ZFHX4: variants seen among roughly 807,000 people sequenced by gnomAD.
ZFHX4 encodes zinc finger homeobox protein 4.
Under a neutral mutation model 267.6 loss-of-function variants are expected in ZFHX4, and 56 were observed. The ratio of observed to expected loss-of-function variants is 0.21; its 90% CI spans 0.17 to 0.26. The LOEUF (loss-of-function observed/expected upper bound fraction) is 0.26. Among genes scored for constraint, ZFHX4 ranks in the 10% least tolerant of loss-of-function variants. The pLI, the probability that ZFHX4 is intolerant of heterozygous loss-of-function variation, is 1.00. For synonymous variants in ZFHX4, 1,778 were observed against 1,665.6 expected, an observed-to-expected ratio of 1.07 and a Z score of -1.64; for missense variants, 4,332 against 4,420.0, an observed-to-expected ratio of 0.98 and a Z score of 0.56.
intron 3 of ZFHX4, among the ~76,000 whole-genome samples, chr8:76,741,850 C>T (rs763190164): frequency 6.6e-6 from 1 of 152,172 alleles, no homozygotes; most frequent in Non-Finnish European, 1.5e-5. Context: ...CCTCCTGTTT[C>T]AGAGATGACC....
intron 1 of ZFHX4, 132 bp from the exon 2 acceptor site, chr8:76,703,911 G>T: frequency 1.5e-6 from 1 of 651,630 alleles, no homozygotes. Context: ...AGATAGGCAC[G>T]CCGGTTTTAA....
intron 4 of ZFHX4, among the ~76,000 whole-genome samples, chr8:76,796,204 A>G (rs1196697613): frequency 6.6e-6 from 1 of 152,006 alleles, no homozygotes; most frequent in Non-Finnish European, 1.5e-5. Flanking sequence ...TTTTGAAAAT[A>G]GAAATTTATA....
At chr8:76,861,197 T>A (rs1418847913) in intron 10 of ZFHX4, among the ~76,000 whole-genome samples, 1 of 151,664 alleles carries the variant, frequency 6.6e-6, no homozygotes, top group East Asian at 2.0e-4. Context: ...TTGCTGTCAG[T>A]TTTTTTCTGG....
intron 3 of ZFHX4, among the ~76,000 whole-genome samples, chr8:76,716,812 A>AT (rs1808587847): frequency 6.6e-6 from 1 of 152,154 alleles, no homozygotes; most frequent in Admixed American, 6.5e-5. Context: ...GATGACAGAG[A>AT]TTTTTAAAAG....
At chr8:76,824,498 A>C (rs1254628393) in intron 4 of ZFHX4, among the ~76,000 whole-genome samples, 1 of 152,194 alleles carries the variant, frequency 6.6e-6, no homozygotes, top group African/African-American at 2.4e-5. Flanking sequence ...CAAGGAAAAA[A>C]ACCTACCTAG....
chr8:76,852,940 C>A lies in ZFHX4; in HGVS notation c.6019C>A (p.Pro2007Thr). The A allele has an allele frequency of 7.6e-6, 12 of 1,579,734 alleles. No individual in the cohort carries two copies. Among genetic ancestry groups the A allele is most frequent in the Non-Finnish European group, 1.0e-5 (12 of 1,161,802 alleles). Residue 2007 changes from proline to threonine, a missense_variant, in exon 10 of 11, where the codon CCT becomes ACT. Pro to Thr is a conservative substitution (Grantham distance 38). Transcript: ENST00000651372. The stretch of plus-strand genomic sequence containing the variant: ...TTCTCCAGAAACGCCGCCCCCGCCA[C>A]CTCCTCCTCCTCCCTTGCCTCCGGC... ...PSSPETPPPP[P>T]PPPPLPPAPP...
chr8:76,779,544 C>T (rs1810493943), intron 4 of ZFHX4, among the ~76,000 whole-genome samples: 1 of 152,116 alleles, frequency 6.6e-6, no homozygotes, highest in Admixed American at 6.6e-5. Context: ...TACATAGCAA[C>T]TCTATTGAAT....
At chr8:76,811,255 A>G (rs551691943) in intron 4 of ZFHX4, among the ~76,000 whole-genome samples, 2 of 152,280 alleles carry the variant, frequency 1.3e-5, no homozygotes, top group East Asian at 1.9e-4. Flanking sequence ...CCCTGCTGGT[A>G]TTTTTACACA....
intron 4 of ZFHX4, among the ~76,000 whole-genome samples, chr8:76,824,149 A>G (rs1233997569): frequency 6.6e-6 from 1 of 152,176 alleles, no homozygotes; most frequent in African/African-American, 2.4e-5. Context: ...TGAGCTTCTT[A>G]TTTTATGCAT....
intron 3 of ZFHX4, among the ~76,000 whole-genome samples, chr8:76,717,811 G>A (rs1430369411): frequency 6.6e-6 from 1 of 151,970 alleles, no homozygotes; most frequent in Non-Finnish European, 1.5e-5. Context: ...TGCCCAGGCA[G>A]GTCTCGAACT....
chr8:76,725,227 A>G (rs763892218), intron 3 of ZFHX4, among the ~76,000 whole-genome samples: 6 of 152,112 alleles, frequency 3.9e-5, no homozygotes, highest in Non-Finnish European at 7.4e-5. Context: ...ATGGTACACA[A>G]TCTTATGATC....
chr8:76,799,913 G>A lies in ZFHX4; in HGVS notation c.3325+21474G>A, dbSNP rs375008044. ...CTTTCACTTGATCACTGCAAAAAAC[G>A]AAATTCCGAGTTTGGTGTGTTGCTT... On this transcript the variant is annotated intron_variant, in intron 4 of 10. Coordinates refer to ENST00000651372, the MANE Select transcript of ZFHX4 (RefSeq NM_024721.5). Among the ~76,000 whole-genome samples, 57 of 152,238 alleles carry A rather than the reference G, an allele frequency of 3.7e-4. 5 individuals carry two copies. The highest frequency in any genetic ancestry group is 2.4e-3 in the Admixed American group (36 of 15,292).
chr8:76,778,559 T>C (rs1462185217), intron 4 of ZFHX4, 120 bp downstream of exon 4: 7 of 807,390 alleles, frequency 8.7e-6, no homozygotes, highest in Non-Finnish European at 1.0e-5. Context: ...TGTCCCCCAG[T>C]GTAAAACACG....
At position 76,852,210 on chromosome 8, in the gene ZFHX4, G is replaced by A. The variant is rs1381625878; in HGVS notation, c.5289G>A (p.Gly1763=). The A allele has an allele frequency of 1.2e-6, 2 of 1,613,534 alleles. No individual in the cohort carries two copies. The highest frequency in any genetic ancestry group is 2.7e-5 in the African/African-American group (2 of 74,900). ...DLGLPGSATF[G]MPGMTGMAGS... is the part of the protein sequence containing the mutation. ...GCTTGCCAGGCTCTGCCACATTTGG[G>A]ATGCCTGGCATGACAGGAATGGCTG... Residue 1763 remains glycine, a synonymous_variant, in exon 10 of 11, where the codon GGG becomes GGA. Coordinates refer to ENST00000651372, the MANE Select transcript of ZFHX4 (RefSeq NM_024721.5).
intron 3 of ZFHX4, 25 bp from the exon 4 acceptor site, chr8:76,778,183 C>G (rs764514939): frequency 1.3e-6 from 2 of 1,501,312 alleles, no homozygotes; most frequent in Non-Finnish European, 1.9e-6. Context: ...GACCATTGTT[C>G]TAATGAGCCT....
chr8:76,706,783 C>A (rs145081415), intron 2 of ZFHX4, 105 bp downstream of exon 2: 7 of 1,259,984 alleles, frequency 5.6e-6, no homozygotes, highest in Middle Eastern at 2.8e-4. Flanking sequence ...TTGAGGACAG[C>A]TTACTAGAAA....
chr8:76,837,124 G>A (rs1563550161), intron 5 of ZFHX4, among the ~76,000 whole-genome samples: 1 of 152,042 alleles, frequency 6.6e-6, no homozygotes, highest in Non-Finnish European at 1.5e-5. Flanking sequence ...CCATGATTCT[G>A]GATGAGATCG....
chr8:76,713,559 C>T (rs916516413), intron 3 of ZFHX4, among the ~76,000 whole-genome samples: 3 of 152,140 alleles, frequency 2.0e-5, no homozygotes, highest in African/African-American at 7.2e-5. Context: ...CTCTTATGCT[C>T]TTTTCTGTTT....
chr8:76,818,423 T>C (rs968354205), intron 4 of ZFHX4, among the ~76,000 whole-genome samples: 9 of 152,152 alleles, frequency 5.9e-5, no homozygotes, highest in Admixed American at 2.0e-4. Flanking sequence ...ATGGAATGCC[T>C]TGAAGACCAA....
Sources: gnomAD v4.1 joint callset for allele counts (sites outside exome capture counted in the v4.1 genomes callset) on GRCh38, gnomAD v4.1.1 for gene constraint, MANE v1.5 for transcripts, NCBI Gene and HGNC (gene_info 2026-07-23, HGNC 2026-07-21) for gene names.